Variants in PXDNL observed in about 807,000 individuals in gnomAD.
The protein encoded by PXDNL is probable oxidoreductase PXDNL.
In PXDNL, 145 loss-of-function variants were observed where a neutral mutation model predicts 150.8. The observed-to-expected ratio is 0.96, with a 90% confidence interval of 0.84 to 1.10. The LOEUF (loss-of-function observed/expected upper bound fraction) is 1.10, where lower values mean the gene tolerates loss of function less well. Among genes scored for constraint, PXDNL ranks in the 50% least tolerant of loss-of-function variants. The pLI is 0.00. For missense variants in PXDNL, 2,087 were observed against 1,873.9 expected, an observed-to-expected ratio of 1.11 and a Z score of -2.10; for synonymous variants, 757 against 725.7, an observed-to-expected ratio of 1.04 and a Z score of -0.69.
chr8:51,769,900 G>C (rs1208715559), intron 1 of PXDNL, among the ~76,000 whole-genome samples: 2 of 152,190 alleles, frequency 1.3e-5, no homozygotes, highest in Non-Finnish European at 2.9e-5. Context: ...CAAGCTAGCT[G>C]AGACCACTGA....
intron 1 of PXDNL, among the ~76,000 whole-genome samples, chr8:51,778,831 A>G (rs939747203): frequency 1.3e-5 from 2 of 152,308 alleles, no homozygotes; most frequent in African/African-American, 4.8e-5. Flanking sequence ...GCTATATTTT[A>G]TTTCTGATTC....
chr8:51,762,547 T>C (rs893156524), intron 1 of PXDNL, among the ~76,000 whole-genome samples: 1 of 152,372 alleles, frequency 6.6e-6, no homozygotes, highest in Admixed American at 6.5e-5. Flanking sequence ...TTCCTTTCTA[T>C]TGATCCCAGG....
chr8:51,673,503 A>G (rs1815543224), intron 1 of PXDNL, among the ~76,000 whole-genome samples: 1 of 152,214 alleles, frequency 6.6e-6, no homozygotes, highest in Non-Finnish European at 1.5e-5. Flanking sequence ...GAAAGATCAG[A>G]AGCTGTAGAG....
chr8:51,391,429 T>C (rs1375427605), intron 17 of PXDNL, among the ~76,000 whole-genome samples: 10 of 152,110 alleles, frequency 6.6e-5, no homozygotes, highest in East Asian at 3.9e-4. Flanking sequence ...TTAATGATCG[T>C]CATTCTAACT....
chr8:51,665,087 C>G (rs556083194), intron 1 of PXDNL, among the ~76,000 whole-genome samples: 4 of 152,302 alleles, frequency 2.6e-5, no homozygotes, highest in African/African-American at 7.2e-5. Flanking sequence ...CTGCCAATGC[C>G]AGGACTGGCT....
chr8:51,351,190 A>T (rs541645656), intron 19 of PXDNL, among the ~76,000 whole-genome samples: 2 of 152,356 alleles, frequency 1.3e-5, no homozygotes, highest in Admixed American at 1.3e-4. Flanking sequence ...ATTTTTATGG[A>T]TTGCTGTGTA....
chr8:51,709,906 A>G (rs536449100), intron 1 of PXDNL, among the ~76,000 whole-genome samples: 4 of 152,354 alleles, frequency 2.6e-5, no homozygotes, highest in East Asian at 1.9e-4. Flanking sequence ...GCAAATATCT[A>G]TGCACACAAA....
At chr8:51,777,596 T>A (rs1047687454) in intron 1 of PXDNL, among the ~76,000 whole-genome samples, 1 of 152,188 alleles carries the variant, frequency 6.6e-6, no homozygotes, top group African/African-American at 2.4e-5. Flanking sequence ...GTCAACTGGA[T>A]GTCATAAGTT....
intron 14 of PXDNL, among the ~76,000 whole-genome samples, chr8:51,414,341 T>C (rs182551206): frequency 6.6e-6 from 1 of 151,908 alleles, no homozygotes; most frequent in African/African-American, 2.4e-5. Context: ...ATTATGACCA[T>C]CTATATAGCC....
intron 5 of PXDNL, among the ~76,000 whole-genome samples, chr8:51,490,392 A>C (rs891217479): frequency 6.6e-6 from 1 of 152,030 alleles, no homozygotes; most frequent in Non-Finnish European, 1.5e-5. Flanking sequence ...AGTTGCAGGA[A>C]AAACGTTGAA....
At chr8:51,748,795 C>T (rs975025608) in intron 1 of PXDNL, among the ~76,000 whole-genome samples, 5 of 152,178 alleles carry the variant, frequency 3.3e-5, no homozygotes, top group African/African-American at 7.2e-5. Flanking sequence ...GGGGAAAACA[C>T]TCATCAGTCC....
intron 4 of PXDNL, among the ~76,000 whole-genome samples, chr8:51,503,519 C>T (rs962451610): frequency 6.6e-6 from 1 of 152,186 alleles, no homozygotes; most frequent in Admixed American, 6.5e-5. Context: ...TTGATCTCCA[C>T]TCCCTTCTGT....
intron 1 of PXDNL, among the ~76,000 whole-genome samples, chr8:51,696,843 CCTGACA>C (rs1314980345): frequency 0.06 from 10 of 168 alleles, no homozygotes; most frequent in African/African-American, 0.067. Context: ...ACACACAGGT[CCTGACA>C]CACACACAGG....
chr8:51,499,863 A>T (rs993087300), intron 4 of PXDNL, 93 bp from the exon 5 acceptor site: 6 of 813,422 alleles, frequency 7.4e-6, no homozygotes, highest in Non-Finnish European at 1.3e-5. Flanking sequence ...TGAAATTATG[A>T]ATTTCACTGG....
At chr8:51,482,291 T>C (rs913116059) in intron 6 of PXDNL, among the ~76,000 whole-genome samples, 1 of 152,218 alleles carries the variant, frequency 6.6e-6, no homozygotes, top group Non-Finnish European at 1.5e-5. Flanking sequence ...TTGTAGCCCC[T>C]TCATTCTGGC....
intron 17 of PXDNL, among the ~76,000 whole-genome samples, chr8:51,378,579 T>C (rs1480515043): frequency 6.6e-6 from 1 of 152,214 alleles, no homozygotes; most frequent in Non-Finnish European, 1.5e-5. Context: ...TTCCACTCTG[T>C]GGAAGATTTG....
At chr8:51,385,559 T>C (rs980611396) in intron 17 of PXDNL, among the ~76,000 whole-genome samples, 6 of 152,292 alleles carry the variant, frequency 3.9e-5, no homozygotes, top group Non-Finnish European at 8.8e-5. Context: ...AAACGACTAA[T>C]TAACAGCCCC....
At chr8:51,606,901 T>G (rs1396155714) in intron 2 of PXDNL, among the ~76,000 whole-genome samples, 1 of 152,186 alleles carries the variant, frequency 6.6e-6, no homozygotes, top group African/African-American at 2.4e-5. Flanking sequence ...GGCTCATACA[T>G]GTGGTTACCA....
At position 51,571,087 on chromosome 8, in the gene PXDNL, C is replaced by CTT. The variant is rs67843416; in HGVS notation, c.309-14178_309-14177dup. ...AAATTTTTCACCCCTTATATCAGTT[C>CTT]TTTTTTTTTGAAAAAAAAAATTGTC... On this transcript the variant is annotated intron_variant, in intron 3 of 22. Transcript: ENST00000356297. Among the ~76,000 whole-genome samples, 309 of 149,336 alleles carry CTT rather than the reference C, an allele frequency of 2.1e-3. 1 individual carries two copies. Among genetic ancestry groups the CTT allele is most frequent in the African/African-American group, 7.3e-3 (298 of 40,724 alleles).
Sources: gnomAD v4.1 joint callset for allele counts (sites outside exome capture counted in the v4.1 genomes callset) on GRCh38, gnomAD v4.1.1 for gene constraint, MANE v1.5 for transcripts, NCBI Gene and HGNC (gene_info 2026-07-23, HGNC 2026-07-21) for gene names.